MAP3K4: variants seen among roughly 807,000 people sequenced by gnomAD.
The protein encoded by MAP3K4 is mitogen-activated protein kinase kinase kinase 4, also known as MAP three kinase 1.
In MAP3K4, 67 loss-of-function variants were observed where a neutral mutation model predicts 185.6. The observed-to-expected ratio is 0.36, with a 90% CI of 0.30 to 0.44. MAP3K4 has a LOEUF of 0.44. Among genes scored for constraint, MAP3K4 ranks in the 20% least tolerant of loss-of-function variants. MAP3K4 has a pLI of 1.00. For missense variants in MAP3K4, 1,551 were observed against 1,995.1 expected, an observed-to-expected ratio of 0.78 and a Z score of 4.24; for synonymous variants, 702 against 710.4, an observed-to-expected ratio of 0.99 and a Z score of 0.19.
chr6:161,102,276 C>T (rs2114896940), intron 18 of MAP3K4, among the ~76,000 whole-genome samples: 1 of 152,250 alleles, frequency 6.6e-6, no homozygotes, highest in African/African-American at 2.4e-5. Flanking sequence ...CTGTTGAATA[C>T]TTTTATTCAT....
At chr6:160,992,278 C>CCGGGGTTGCAGCTCCG in intron 1 of MAP3K4, 195 bp downstream of exon 1, 1 of 714,314 alleles carries the variant, frequency 1.4e-6, no homozygotes, top group Non-Finnish European at 2.1e-6. Flanking sequence ...GCGACTCCTC[C>CCGGGGTTGCAGCTCCG]CGGGGTTGCA....
At chr6:161,038,221 C>G (rs1243148656) in intron 2 of MAP3K4, among the ~76,000 whole-genome samples, 1 of 152,124 alleles carries the variant, frequency 6.6e-6, no homozygotes, top group Non-Finnish European at 1.5e-5. Context: ...AGGGAGTACA[C>G]AAATGACCAA....
At chr6:161,002,006 A>G (rs540359674) in intron 1 of MAP3K4, among the ~76,000 whole-genome samples, 1 of 145,368 alleles carries the variant, frequency 6.9e-6, no homozygotes, top group African/African-American at 2.6e-5. Context: ...TTCAAGAAAC[A>G]TTTCCCCCCC....
rs1407847361 is a variant in MAP3K4, at chr6:161,053,197, A to G, written c.1707+3218A>G. On this transcript the variant is annotated intron_variant, in intron 3 of 26. Coordinates refer to ENST00000392142, the MANE Select transcript of MAP3K4 (RefSeq NM_005922.4). The surrounding 1 kb of genome is among the most constrained non-coding windows in gnomAD (Gnocchi z 4.2). ...GGCAAAGCCAGAGCAGGCACTTCTC[A>G]TGGCTGGAGCACGGGCAGGGTGAAG... Among the ~76,000 whole-genome samples the G allele has an allele frequency of 3.9e-5, 6 of 152,290 alleles. No individual in the cohort carries two copies. In the East Asian group the frequency reaches 1.2e-3, roughly 29 times the overall value.
In MAP3K4 at chr6:161,064,301, A is replaced by C. The variant is rs1209858513; in HGVS notation, c.1708-6307A>C. Among the ~76,000 whole-genome samples the C allele has an allele frequency of 6.6e-6, 1 of 152,262 alleles. No individual in the cohort carries two copies. Among genetic ancestry groups the C allele is most frequent in the Non-Finnish European group, 1.5e-5 (1 of 68,046 alleles). ...CATACTTTGATTTCCCATAATAACC[A>C]GTAAGAATTTCTAAAACAGCTGCAT... On this transcript the variant is annotated intron_variant, in intron 3 of 26. Coordinates refer to ENST00000392142, the MANE Select transcript of MAP3K4 (RefSeq NM_005922.4). The surrounding 1 kb of genome is among the most constrained non-coding windows in gnomAD (Gnocchi z 4.3).
At chr6:161,021,078 G>A (rs1782364006) in intron 1 of MAP3K4, among the ~76,000 whole-genome samples, 1 of 152,148 alleles carries the variant, frequency 6.6e-6, no homozygotes, top group Admixed American at 6.5e-5. Flanking sequence ...AATTAAGAAA[G>A]TTATAGTTTT....
rs1243480377 is a variant in MAP3K4 at position 161,086,070 on chromosome 6, ACTTAAC to A, written c.2373-303_2373-298del. Among the ~76,000 whole-genome samples, 1 of 152,204 alleles carries A rather than the reference ACTTAAC, an allele frequency of 6.6e-6. No homozygotes were observed. Among genetic ancestry groups the A allele is most frequent in the Non-Finnish European group, 1.5e-5 (1 of 68,038 alleles). On this transcript the variant is annotated intron_variant, in intron 7 of 26. Transcript: ENST00000392142. This position sits in a 1 kb window ranked among gnomAD's most constrained non-coding sequence, Gnocchi z 4.8. Reference sequence around the variant, plus strand: ...TTAGATTACGAGCCAGGAGTTAAGAACTTAACCTTAAACTCCAAGAAATGATCATAA... The same window carrying A: ...TTAGATTACGAGCCAGGAGTTAAGAACTTAAACTCCAAGAAATGATCATAA...
Position 161,091,222 on chromosome 6 carries a change from C to T in MAP3K4, c.2974-157C>T, listed in dbSNP as rs756407363. On this transcript the variant is annotated intron_variant, in intron 11 of 26. Coordinates refer to ENST00000392142, the MANE Select transcript of MAP3K4 (RefSeq NM_005922.4). This position sits in a 1 kb window ranked among gnomAD's most constrained non-coding sequence, Gnocchi z 5.5. ...TATTTAAGAATGCCAAATAAAATGA[C>T]ATAATTTCTTCTATATTTGGTAATT... Among the ~76,000 whole-genome samples, 10 of 152,176 alleles carry T rather than the reference C, an allele frequency of 6.6e-5. No individual in the cohort carries two copies. The highest frequency in any genetic ancestry group is 1.9e-4 in the East Asian group (1 of 5,176).
intron 19 of MAP3K4, among the ~76,000 whole-genome samples, chr6:161,104,487 G>A (rs1777974685): frequency 6.6e-6 from 1 of 151,774 alleles, no homozygotes; most frequent in Non-Finnish European, 1.5e-5. Context: ...GCCAAGGCAG[G>A]TGGATCACGA....
Position 161,084,441 on chromosome 6 carries a change from A to C in MAP3K4, c.2256-60A>C, listed in dbSNP as rs1785598939. 1 of 827,014 alleles carries C rather than the reference A, an allele frequency of 1.2e-6. No individual in the cohort carries two copies. Among genetic ancestry groups the C allele is most frequent in the South Asian group, 1.4e-5 (1 of 71,032 alleles). The allele number at this position is 827,014 out of a possible 1,614,324, so 51.2% of individuals were successfully genotyped here. ...AGCCTTTCAAGTTTCTCAGTCAAGA[A>C]TTAGGCTATGAGTAGGGACAGTTTT... On this transcript the variant is annotated intron_variant, in intron 6 of 26. Transcript: ENST00000392142. The surrounding 1 kb of genome is among the most constrained non-coding windows in gnomAD (Gnocchi z 4.6).
chr6:161,032,648 G>T (rs1199316374), intron 1 of MAP3K4, among the ~76,000 whole-genome samples: 2 of 152,064 alleles, frequency 1.3e-5, no homozygotes, highest in Admixed American at 6.6e-5. Flanking sequence ...AATGATTTTG[G>T]TGCTTATAGC....
chr6:161,064,070 T>G lies in MAP3K4; in HGVS notation c.1708-6538T>G, dbSNP rs1204201752. On this transcript the variant is annotated intron_variant, in intron 3 of 26. Transcript: ENST00000392142. The surrounding 1 kb of genome is among the most constrained non-coding windows in gnomAD (Gnocchi z 4.3). Reference sequence around the variant, plus strand: ...TTATGAGAGGGCGTTGAAGGGAAATTGAAACCCTGTTGCCACCACTTTTTC... The same window carrying G: ...TTATGAGAGGGCGTTGAAGGGAAATGGAAACCCTGTTGCCACCACTTTTTC... Among the ~76,000 whole-genome samples the G allele has an allele frequency of 6.6e-6, 1 of 152,190 alleles. No individual in the cohort carries two copies. The highest frequency in any genetic ancestry group is 1.5e-5 in the Non-Finnish European group (1 of 68,044).
chr6:161,085,671 A>C (rs895280214), intron 7 of MAP3K4, among the ~76,000 whole-genome samples: 1 of 152,238 alleles, frequency 6.6e-6, no homozygotes, highest in African/African-American at 2.4e-5. Flanking sequence ...AAAATATTGA[A>C]TAGCTGAGAA....
chr6:161,088,072 C>A lies in MAP3K4; in HGVS notation c.2823+118C>A. On this transcript the variant is annotated intron_variant, in intron 10 of 26. Transcript: ENST00000392142. This position sits in a 1 kb window ranked among gnomAD's most constrained non-coding sequence, Gnocchi z 4.5. ...CCCTAGTAATCACAAGTATATACTTCCCAAAAATATGCCTCAATGTGTTAA... is the reference window on the plus strand; with the variant it reads ...CCCTAGTAATCACAAGTATATACTTACCAAAAATATGCCTCAATGTGTTAA... 9.9e-7 allele frequency: 1 copy of A among 1,007,488 alleles called. No homozygotes were observed. Among genetic ancestry groups the A allele is most frequent in the Non-Finnish European group, 1.4e-6 (1 of 708,660 alleles). The allele number at this position is 1,007,488 out of a possible 1,614,324, so 62.4% of individuals were successfully genotyped here. A position where few individuals can be genotyped will look rare whatever the true frequency, so the allele number is the denominator to read the frequency against.
rs565768573 is a variant in MAP3K4 at position 161,064,413 on chromosome 6, C to G, written c.1708-6195C>G. Among the ~76,000 whole-genome samples, 1 of 150,826 alleles carries G rather than the reference C, an allele frequency of 6.6e-6. No individual in the cohort carries two copies. Among genetic ancestry groups the G allele is most frequent in the Non-Finnish European group, 1.5e-5 (1 of 67,866 alleles). ...TTTTCTGTTAATTGCTTATAACATA[C>G]ATTAGATAACCCATTATTTTCCAAC... On this transcript the variant is annotated intron_variant, in intron 3 of 26. Coordinates refer to ENST00000392142, the MANE Select transcript of MAP3K4 (RefSeq NM_005922.4). This position sits in a 1 kb window ranked among gnomAD's most constrained non-coding sequence, Gnocchi z 4.3.
chr6:161,031,882 A>G (rs1361199978), intron 1 of MAP3K4, among the ~76,000 whole-genome samples: 3 of 152,186 alleles, frequency 2.0e-5, no homozygotes, highest in Non-Finnish European at 4.4e-5. Flanking sequence ...CTGAGTTCAC[A>G]TTCCTCCTCA....
chr6:161,112,014 C>T lies in MAP3K4; in HGVS notation c.4519+56C>T. ...CTGACTTCATGCAGCCTGCTTGGGG[C>T]CTGCATGTTCCCTTCACCTTTGTTT... On this transcript the variant is annotated intron_variant, in intron 24 of 26. Coordinates refer to ENST00000392142, the MANE Select transcript of MAP3K4 (RefSeq NM_005922.4). The surrounding 1 kb of genome is among the most constrained non-coding windows in gnomAD (Gnocchi z 5.1). The T allele has an allele frequency of 6.3e-7, 1 of 1,593,478 alleles. No individual in the cohort carries two copies. The highest frequency in any genetic ancestry group is 1.1e-5 in the South Asian group (1 of 87,242).
At chr6:161,030,834 A>C (rs536877445) in intron 1 of MAP3K4, among the ~76,000 whole-genome samples, 1 of 152,194 alleles carries the variant, frequency 6.6e-6, no homozygotes, top group Non-Finnish European at 1.5e-5. Flanking sequence ...GGTGTTACTA[A>C]GTTGCTTGGA....
chr6:161,087,799 A>G lies in MAP3K4; in HGVS notation c.2668A>G (p.Lys890Glu), dbSNP rs1419532658. The change falls in exon 10 of 27, where the codon AAA (lysine) becomes GAA (glutamate). Residue 890 changes from lysine (K) to glutamate (E), a missense_variant. Lys to Glu is a moderately conservative substitution (Grantham distance 56). Around this residue, in one of 16 missense-constraint regions of MAP3K4, gnomAD observed 261 missense variants for 306.5 expected, o/e 0.85. Transcript: ENST00000392142. This position sits in a 1 kb window ranked among gnomAD's most constrained non-coding sequence, Gnocchi z 4.9. ...TGCAGCTGCAGGAAAGGACTGTTCA[A>G]AAGATTCAGATGACGTACTCATCGA... is the stretch of plus-strand genomic sequence containing the variant. ...LNAAAGKDCS[K>E]DSDDVLIDAY... 9 of 1,614,156 alleles carry G rather than the reference A, an allele frequency of 5.6e-6. No individual in the cohort carries two copies. The highest frequency in any genetic ancestry group is 6.8e-6 in the Non-Finnish European group (8 of 1,180,024).
Sources: gnomAD v4.1 joint callset for allele counts (sites outside exome capture counted in the v4.1 genomes callset) on GRCh38, gnomAD v4.1.1 for gene constraint, gnomAD v4.1.1 regional missense constraint, Gnocchi (gnomAD v3.1) non-coding constraint, MANE v1.5 for transcripts, NCBI Gene and HGNC (gene_info 2026-07-23, HGNC 2026-07-21) for gene names.